The following PLCL1 variants were observed in gnomAD, a reference collection of about 807,000 sequenced individuals.
PLCL1 encodes the protein inactive phospholipase C-like protein 1.
In PLCL1, 41 loss-of-function variants were observed where a neutral mutation model predicts 84.4. The observed-to-expected ratio is 0.49, with a 90% CI of 0.38 to 0.63. The LOEUF (loss-of-function observed/expected upper bound fraction) is 0.63, where lower values mean the gene tolerates loss of function less well. Ranked by LOEUF, PLCL1 falls within the 30% of genes least tolerant of loss-of-function variation. The pLI, the probability that PLCL1 is intolerant of heterozygous loss-of-function variation, is 0.00. For synonymous variants in PLCL1, 490 were observed against 488.3 expected (o/e 1.00, Z -0.05); for missense variants, 1,206 against 1,367.8 (o/e 0.88, Z 1.87).
At chr2:197,904,871 A>G (rs923687010) in intron 1 of PLCL1, among the ~76,000 whole-genome samples, 1 of 152,222 alleles carries the variant, frequency 6.6e-6, no homozygotes, top group Non-Finnish European at 1.5e-5. Context: ...GTCAATTATC[A>G]AAAGTATTAT....
intron 1 of PLCL1, among the ~76,000 whole-genome samples, chr2:197,863,148 G>T (rs1181305951): frequency 2.7e-5 from 4 of 149,166 alleles, no homozygotes; most frequent in Non-Finnish European, 5.9e-5. Flanking sequence ...GCACTCTCTG[G>T]TCTTTTCTTA....
At chr2:198,104,008 T>C in intron 5 of PLCL1, 72 bp downstream of exon 5, 3 of 693,036 alleles carry the variant, frequency 4.3e-6, no homozygotes. Context: ...TGTAGAGAAA[T>C]GTAAAGGATT....
intron 1 of PLCL1, among the ~76,000 whole-genome samples, chr2:198,029,015 A>T (rs969903356): frequency 2.6e-5 from 4 of 152,238 alleles, no homozygotes; most frequent in Admixed American, 2.6e-4. Flanking sequence ...TTCATGAGTG[A>T]CATTTCTTAA....
intron 1 of PLCL1, among the ~76,000 whole-genome samples, chr2:197,964,197 C>T (rs1345130999): frequency 5.9e-5 from 9 of 151,980 alleles, no homozygotes; most frequent in African/African-American, 2.4e-5. Flanking sequence ...GTAGTATGAA[C>T]GTTCTAACAG....
intron 1 of PLCL1, among the ~76,000 whole-genome samples, chr2:197,859,633 T>C (rs1054406183): frequency 2.0e-5 from 3 of 152,116 alleles, no homozygotes; most frequent in African/African-American, 7.2e-5. Flanking sequence ...TGAGTTGTAG[T>C]GGTCATAAAG....
rs1350492136 is a variant in PLCL1 at position 198,147,956 on chromosome 2, A to G, written c.*994A>G. ...CAAACAATATCATATCATCACATTG[A>G]GCTGATATAAATTCTGTGGGTCCGA... On this transcript the variant is annotated 3_prime_UTR_variant, in exon 6 of 6. Transcript: ENST00000428675. 6.6e-6 allele frequency: 1 copy of G among 152,280 alleles called. No homozygotes were observed. The highest frequency in any genetic ancestry group is 1.5e-5 in the Non-Finnish European group (1 of 68,014). 9.4% of individuals were successfully genotyped at this position (152,280 alleles called of 1,614,324 possible). A position where few individuals can be genotyped will look rare whatever the true frequency, so the allele number is the denominator to read the frequency against.
chr2:197,992,227 A>AAT (rs1227426628), intron 1 of PLCL1, among the ~76,000 whole-genome samples: 2 of 152,008 alleles, frequency 1.3e-5, no homozygotes, highest in Non-Finnish European at 2.9e-5. Context: ...ACTGTGGCAA[A>AAT]ATATATATAT....
At chr2:197,910,886 T>C (rs1008516978) in intron 1 of PLCL1, among the ~76,000 whole-genome samples, 3 of 152,216 alleles carry the variant, frequency 2.0e-5, no homozygotes, top group African/African-American at 7.2e-5. Context: ...CTATAAAATG[T>C]AAGAGGGAAG....
intron 5 of PLCL1, among the ~76,000 whole-genome samples, chr2:198,141,330 C>T (rs78286449): frequency 1.3e-5 from 2 of 152,236 alleles, no homozygotes; most frequent in African/African-American, 4.8e-5. Context: ...CTAATAGCTG[C>T]ACCTTTGTGC....
At chr2:197,900,601 A>G (rs1688245062) in intron 1 of PLCL1, among the ~76,000 whole-genome samples, 1 of 152,204 alleles carries the variant, frequency 6.6e-6, no homozygotes, top group Non-Finnish European at 1.5e-5. Context: ...CCTAGTACAA[A>G]ATCCCTGGAG....
chr2:198,074,444 A>C (rs1005188274), intron 1 of PLCL1, among the ~76,000 whole-genome samples: 6 of 152,192 alleles, frequency 3.9e-5, no homozygotes, highest in African/African-American at 7.2e-5. Context: ...AATTTAGATG[A>C]TTAAAGAATA....
intron 5 of PLCL1, among the ~76,000 whole-genome samples, chr2:198,105,657 T>TA (rs1318429226): frequency 1.3e-5 from 2 of 148,414 alleles, no homozygotes; most frequent in Non-Finnish European, 3.0e-5. Flanking sequence ...CATGAATACT[T>TA]ACGTTCAAGT....
chr2:197,885,129 G>A lies in PLCL1; in HGVS notation c.240+79790G>A, dbSNP rs550001098. On this transcript the variant is annotated intron_variant, in intron 1 of 5. Transcript: ENST00000428675. ...CTCAGACTTTTGCTCTGGAACATTC[G>A]TTCTCATTTTTGCATGGCTAACCCT... is the stretch of plus-strand genomic sequence containing the variant. 1.6e-4 allele frequency among the ~76,000 whole-genome samples: 25 copies of A among 152,288 alleles called. No individual in the cohort carries two copies. The South Asian group carries it at 5.2e-3, about 32-fold the overall frequency.
At chr2:197,984,371 A>T (rs541085641) in intron 1 of PLCL1, among the ~76,000 whole-genome samples, 4 of 152,310 alleles carry the variant, frequency 2.6e-5, no homozygotes, top group South Asian at 4.1e-4. Context: ...AGCACCATAG[A>T]TGGTAATGTT....
At chr2:198,025,377 A>G (rs947453597) in intron 1 of PLCL1, among the ~76,000 whole-genome samples, 7 of 152,018 alleles carry the variant, frequency 4.6e-5, no homozygotes, top group African/African-American at 1.7e-4. Flanking sequence ...GATGCACTCT[A>G]CTGGACCTTG....
intron 1 of PLCL1, among the ~76,000 whole-genome samples, chr2:198,029,511 C>A (rs916729747): frequency 1.3e-5 from 2 of 152,066 alleles, no homozygotes; most frequent in African/African-American, 4.8e-5. Context: ...CCCCGAAGAA[C>A]AACTGGAGTG....
intron 1 of PLCL1, among the ~76,000 whole-genome samples, chr2:197,900,188 C>A (rs1688238031): frequency 1.3e-5 from 2 of 152,208 alleles, no homozygotes. Flanking sequence ...GTATTTCCAG[C>A]ACTTAGAAGA....
At chr2:198,060,880 T>A (rs568049005) in intron 1 of PLCL1, among the ~76,000 whole-genome samples, 1 of 152,162 alleles carries the variant, frequency 6.6e-6, no homozygotes, top group Non-Finnish European at 1.5e-5. Context: ...ACATAAGGAA[T>A]GTTAATCGGA....
At chr2:198,121,224 CAGAT>C (rs1271163932) in intron 5 of PLCL1, among the ~76,000 whole-genome samples, 2 of 152,048 alleles carry the variant, frequency 1.3e-5, no homozygotes, top group Non-Finnish European at 2.9e-5. Flanking sequence ...AATCCCTTGT[CAGAT>C]AGGTAGTTTG....
Sources: gnomAD v4.1 joint callset for allele counts (sites outside exome capture counted in the v4.1 genomes callset) on GRCh38, gnomAD v4.1.1 for gene constraint, MANE v1.5 for transcripts, NCBI Gene and HGNC (gene_info 2026-07-23, HGNC 2026-07-21) for gene names.